CDH12: variants seen among roughly 807,000 people sequenced by gnomAD.
The protein encoded by CDH12 is cadherin 12, also known as cadherin-12.
Under a neutral mutation model 74.1 loss-of-function variants are expected in CDH12, and 41 were observed. The ratio of observed to expected loss-of-function variants is 0.55; its 90% CI spans 0.43 to 0.72. The LOEUF (loss-of-function observed/expected upper bound fraction) is 0.72. CDH12 is among the 30% of genes least tolerant of loss of function. The probability of loss-of-function intolerance (pLI) is 0.00; values close to 1 mark genes in which losing one functional copy is unlikely to be tolerated. For synonymous variants in CDH12, 399 were observed against 355.0 expected (o/e 1.12, Z -1.39); for missense variants, 945 against 977.2 (o/e 0.97, Z 0.44).
chr5:22,064,081 C>A (rs1741392389), intron 5 of CDH12, among the ~76,000 whole-genome samples: 1 of 151,934 alleles, frequency 6.6e-6, no homozygotes, highest in Non-Finnish European at 1.5e-5. Context: ...CAGGGGTCCA[C>A]TTATATGTGG....
chr5:22,222,395 T>A (rs942630661), intron 3 of CDH12, among the ~76,000 whole-genome samples: 11 of 152,096 alleles, frequency 7.2e-5, no homozygotes, highest in African/African-American at 2.4e-4. Flanking sequence ...CGAATTAGGT[T>A]CTTGATTTCT....
At chr5:21,853,081 T>C (rs371642076) in intron 7 of CDH12, among the ~76,000 whole-genome samples, 6 of 151,696 alleles carry the variant, frequency 4.0e-5, no homozygotes, top group Non-Finnish European at 1.5e-5. Context: ...AATCTCTTTT[T>C]ATTTTCAATT....
At chr5:22,299,493 T>G (rs770781880) in intron 3 of CDH12, among the ~76,000 whole-genome samples, 3 of 152,210 alleles carry the variant, frequency 2.0e-5, no homozygotes, top group Non-Finnish European at 4.4e-5. Context: ...TAAATCATTA[T>G]GCAAGAAGTA....
At chr5:22,822,177 A>G (rs1300734119) in intron 1 of CDH12, among the ~76,000 whole-genome samples, 2 of 151,678 alleles carry the variant, frequency 1.3e-5, no homozygotes, top group Admixed American at 1.3e-4. Context: ...CTGGCTAGCC[A>G]TATGTAGAAA....
chr5:21,957,498 TC>T (rs1217568175), intron 6 of CDH12, among the ~76,000 whole-genome samples: 1 of 152,218 alleles, frequency 6.6e-6, no homozygotes, highest in Admixed American at 6.5e-5. Context: ...CATGCTGCTT[TC>T]CACAATAGTT....
intron 6 of CDH12, among the ~76,000 whole-genome samples, chr5:21,895,436 G>T (rs1024856375): frequency 6.6e-6 from 1 of 152,132 alleles, no homozygotes; most frequent in Non-Finnish European, 1.5e-5. Context: ...TCATTAATGC[G>T]TGGAAGCTTC....
chr5:22,621,258 G>C (rs533098149), intron 1 of CDH12, among the ~76,000 whole-genome samples: 6 of 152,098 alleles, frequency 3.9e-5, no homozygotes, highest in Non-Finnish European at 8.8e-5. Flanking sequence ...GATCTTTCCA[G>C]CACGAGTTCT....
chr5:22,301,744 A>G (rs1028396147), intron 3 of CDH12, among the ~76,000 whole-genome samples: 1 of 151,894 alleles, frequency 6.6e-6, no homozygotes, highest in African/African-American at 2.4e-5. Flanking sequence ...AGATCCTCCC[A>G]CTTCAGCCTC....
chr5:21,974,596 C>A (rs554283105), intron 6 of CDH12, among the ~76,000 whole-genome samples: 4 of 152,002 alleles, frequency 2.6e-5, no homozygotes, highest in Admixed American at 2.0e-4. Context: ...GGTTATTTAC[C>A]CTGAAAAGGA....
chr5:22,268,130 T>C (rs1336846975), intron 3 of CDH12, among the ~76,000 whole-genome samples: 1 of 152,000 alleles, frequency 6.6e-6, no homozygotes, highest in Non-Finnish European at 1.5e-5. Context: ...TGAAGGAACG[T>C]GTGTTTGCAT....
intron 6 of CDH12, among the ~76,000 whole-genome samples, chr5:21,872,085 A>G (rs1220429111): frequency 6.6e-6 from 1 of 152,160 alleles, no homozygotes; most frequent in East Asian, 1.9e-4. Flanking sequence ...CAGAGTAGAA[A>G]TGATGCCTCC....
chr5:22,324,167 T>C (rs1297152004), intron 3 of CDH12, among the ~76,000 whole-genome samples: 1 of 152,128 alleles, frequency 6.6e-6, no homozygotes, highest in Non-Finnish European at 1.5e-5. Flanking sequence ...AACAAAGCAA[T>C]TTTATTTAAA....
intron 1 of CDH12, among the ~76,000 whole-genome samples, chr5:22,743,740 G>C (rs1017346777): frequency 1.3e-5 from 2 of 151,990 alleles, no homozygotes; most frequent in African/African-American, 4.8e-5. Context: ...TCTTTGTTTG[G>C]CATAGCAATT....
intron 4 of CDH12, among the ~76,000 whole-genome samples, chr5:22,096,108 C>G (rs185510545): frequency 6.6e-6 from 1 of 152,082 alleles, no homozygotes; most frequent in African/African-American, 2.4e-5. Flanking sequence ...CTTCATTCCT[C>G]CTTCTCCCTT....
At chr5:22,525,779 C>A (rs908145393) in intron 1 of CDH12, among the ~76,000 whole-genome samples, 13 of 152,134 alleles carry the variant, frequency 8.5e-5, no homozygotes, top group African/African-American at 2.9e-4. Context: ...TCATGTAGTC[C>A]AAGAGCAGAC....
intron 3 of CDH12, among the ~76,000 whole-genome samples, chr5:22,233,157 A>G (rs1445698009): frequency 6.6e-6 from 1 of 151,822 alleles, no homozygotes; most frequent in African/African-American, 2.4e-5. Flanking sequence ...ACATTTGCAA[A>G]TCCACTTGTC....
chr5:21,752,989 T>C (rs1048624997), intron 14 of CDH12, among the ~76,000 whole-genome samples: 1 of 145,768 alleles, frequency 6.9e-6, no homozygotes, highest in African/African-American at 2.4e-5. Flanking sequence ...ATTTATGTAC[T>C]TTTATTATCA....
chr5:22,696,312 A>C (rs1168392010), intron 1 of CDH12, among the ~76,000 whole-genome samples: 5 of 143,608 alleles, frequency 3.5e-5, no homozygotes, highest in African/African-American at 5.3e-5. Flanking sequence ...CGGAGCTTAC[A>C]GTGAGCCGAG....
Position 22,075,388 on chromosome 5 carries a change from C to G in CDH12, c.231+3058G>C, listed in dbSNP as rs535691939. Among the ~76,000 whole-genome samples the G allele has an allele frequency of 4.0e-5, 6 of 151,720 alleles. No individual in the cohort carries two copies. In the South Asian group the frequency reaches 8.3e-4, roughly 21 times the overall value. On this transcript the variant is annotated intron_variant, in intron 5 of 14. Coordinates refer to ENST00000382254, the MANE Select transcript of CDH12 (RefSeq NM_004061.5). ...ATGATGAGTTAATGGGTACAGCACA[C>G]CAACATGGCACATGTATACATCTGT...
Sources: gnomAD v4.1 joint callset for allele counts (sites outside exome capture counted in the v4.1 genomes callset) on GRCh38, gnomAD v4.1.1 for gene constraint, MANE v1.5 for transcripts, NCBI Gene and HGNC (gene_info 2026-07-23, HGNC 2026-07-21) for gene names.